Variants in NTAQ1 observed in about 807,000 individuals in gnomAD.
NTAQ1 encodes N-terminal glutamine amidase 1.
Under a neutral mutation model 28.2 loss-of-function variants are expected in NTAQ1, and 21 were observed. That is an observed-to-expected ratio of 0.74 (90% CI 0.53 to 1.07). NTAQ1 has a LOEUF of 1.07. NTAQ1 is among the 50% of genes least tolerant of loss of function. The probability of loss-of-function intolerance (pLI) is 0.00; values close to 1 mark genes in which losing one functional copy is unlikely to be tolerated. For synonymous variants in NTAQ1, 105 were observed against 90.0 expected (o/e 1.17, Z -0.94); for missense variants, 264 against 256.6 (o/e 1.03, Z -0.20).
intron 1 of NTAQ1, among the ~76,000 whole-genome samples, chr8:123,419,288 G>A (rs891586488): frequency 2.0e-4 from 30 of 151,882 alleles, no homozygotes; most frequent in Admixed American, 1.0e-3. Context: ...TAGTAGAGAC[G>A]GGGTTTCACC....
chr8:123,453,934 A>G (rs1815576887), intron 6 of NTAQ1, among the ~76,000 whole-genome samples: 1 of 152,162 alleles, frequency 6.6e-6, no homozygotes, highest in African/African-American at 2.4e-5. Flanking sequence ...CTGCCATCCA[A>G]TTCCCAGTTC....
downstream of NTAQ1, among the ~76,000 whole-genome samples, chr8:123,472,072 C>T (rs1248548753): frequency 2.0e-5 from 3 of 152,166 alleles, no homozygotes; most frequent in Non-Finnish European, 4.4e-5. Flanking sequence ...TTACCCCACT[C>T]CTATCCATCA....
At chr8:123,447,342 G>GTT (rs35522766) in intron 6 of NTAQ1, among the ~76,000 whole-genome samples, 17 of 151,620 alleles carry the variant, frequency 1.1e-4, no homozygotes, top group East Asian at 5.9e-4. Flanking sequence ...ATATGAACGT[G>GTT]TTCTTTTTTA....
intron 1 of NTAQ1, among the ~76,000 whole-genome samples, chr8:123,421,559 AG>A (rs1290449479): frequency 1.5e-5 from 2 of 137,810 alleles, no homozygotes; most frequent in Non-Finnish European, 3.0e-5. Flanking sequence ...CCCAGGGTGG[AG>A]TGCAGTGGCT....
At chr8:123,451,322 T>C (rs1189512351), downstream of NTAQ1, among the ~76,000 whole-genome samples, 3 of 152,194 alleles carry the variant, frequency 2.0e-5, no homozygotes, top group South Asian at 2.1e-4. Context: ...TGCACACTTA[T>C]TTGTTTAAAA....
intron 1 of NTAQ1, among the ~76,000 whole-genome samples, chr8:123,424,493 C>T (rs988312189): frequency 3.9e-5 from 6 of 152,112 alleles, no homozygotes; most frequent in South Asian, 4.1e-4. Flanking sequence ...CCACCCGCTT[C>T]GGCCTCCCAG....
chr8:123,463,805 C>G (rs1446856279), intron 6 of NTAQ1, among the ~76,000 whole-genome samples: 1 of 152,164 alleles, frequency 6.6e-6, no homozygotes, highest in South Asian at 2.1e-4. Flanking sequence ...CCAGAGACCT[C>G]TAGAGCTGGG....
chr8:123,426,717 T>A (rs921659286), intron 1 of NTAQ1, among the ~76,000 whole-genome samples: 1 of 151,994 alleles, frequency 6.6e-6, no homozygotes, highest in Admixed American at 6.6e-5. Flanking sequence ...CCCAGCACTT[T>A]GGGAGGCTGA....
chr8:123,429,926 T>C, intron 2 of NTAQ1, 57 bp from the exon 3 acceptor site: 2 of 881,984 alleles, frequency 2.3e-6, no homozygotes, highest in Admixed American at 3.1e-5. Context: ...AAAAGGAAAA[T>C]AATTTAGTAG....
intron 1 of NTAQ1, among the ~76,000 whole-genome samples, chr8:123,420,121 T>G (rs1813589444): frequency 6.6e-6 from 1 of 152,088 alleles, no homozygotes; most frequent in Non-Finnish European, 1.5e-5. Context: ...TGTGTCCATG[T>G]GTACTCAAGG....
chr8:123,474,292 C>T (rs1385498580), downstream of NTAQ1, among the ~76,000 whole-genome samples: 1 of 152,174 alleles, frequency 6.6e-6, no homozygotes. Flanking sequence ...TCTTTTATAA[C>T]TTAGTTTTTC....
At chr8:123,462,805 C>T (rs1426206554) in intron 6 of NTAQ1, among the ~76,000 whole-genome samples, 6 of 152,158 alleles carry the variant, frequency 3.9e-5, no homozygotes, top group Admixed American at 3.9e-4. Flanking sequence ...CCCCAATTCA[C>T]CAGAATTGAA....
chr8:123,443,121 A>G (rs11784478), downstream of NTAQ1, among the ~76,000 whole-genome samples: 54,993 of 149,046 alleles, frequency 0.37, 10,076 homozygotes, highest in East Asian at 0.57. Flanking sequence ...CCAGGTTCAA[A>G]CGATTCTCAT....
downstream of NTAQ1, among the ~76,000 whole-genome samples, chr8:123,449,929 A>ATATATGTGTG: frequency 1.5e-5 from 1 of 66,712 alleles, no homozygotes; most frequent in East Asian, 5.6e-4. Flanking sequence ...GTATATATAT[A>ATATATGTGTG]TGTGTGTGTG....
chr8:123,471,097 GA>G (rs1816036996), downstream of NTAQ1, among the ~76,000 whole-genome samples: 1 of 151,264 alleles, frequency 6.6e-6, no homozygotes, highest in Non-Finnish European at 1.5e-5. Flanking sequence ...ATTAAAAAAA[GA>G]TTTTTTTTTT....
intron 6 of NTAQ1, among the ~76,000 whole-genome samples, chr8:123,461,073 C>G (rs566410059): frequency 6.6e-6 from 1 of 152,302 alleles, no homozygotes; most frequent in Admixed American, 6.5e-5. Context: ...TATTCCTTGC[C>G]TAAGTGACCT....
chr8:123,455,414 C>A (rs1450575237), intron 6 of NTAQ1, among the ~76,000 whole-genome samples: 1 of 148,974 alleles, frequency 6.7e-6, no homozygotes, highest in Non-Finnish European at 1.5e-5. Flanking sequence ...AAACCCCATG[C>A]CCAGAAATTT....
downstream of NTAQ1, among the ~76,000 whole-genome samples, chr8:123,445,957 C>T (rs1194915012): frequency 6.9e-6 from 1 of 144,422 alleles, no homozygotes; most frequent in Non-Finnish European, 1.5e-5. Context: ...CAAATCCATT[C>T]TCTTTTCTTT....
rs1236711779 is a variant in NTAQ1, at chr8:123,418,440, T to TC, written c.83+1510dup. 3.3e-5 allele frequency among the ~76,000 whole-genome samples: 4 copies of TC among 122,390 alleles called. No homozygotes were observed. In the South Asian group the frequency reaches 1.1e-3, roughly 32 times the overall value. The allele number at this position is 122,390 out of a possible 152,430, so 80.3% of individuals were successfully genotyped here. ...TCCTGCCTGGGCAACAGAGCAAGAC[T>TC]CCATCTCAAAAAAAAAAAAAAAATA... On this transcript the variant is annotated intron_variant, in intron 1 of 5. Transcript: ENST00000287387.
Sources: allele counts gnomAD v4.1 joint callset (sites outside exome capture counted in the v4.1 genomes callset), GRCh38; gene constraint gnomAD v4.1.1; transcripts MANE v1.5; gene names NCBI Gene and HGNC (gene_info 2026-07-23, HGNC 2026-07-21).